The following MOSPD3 variants were observed in gnomAD, a reference collection of about 807,000 sequenced individuals.
MOSPD3 encodes motile sperm domain containing 3.
A neutral mutation model predicts 23.3 loss-of-function variants in MOSPD3; 20 were observed. The ratio of observed to expected loss-of-function variants is 0.86; its 90% CI spans 0.61 to 1.25. MOSPD3 has a LOEUF of 1.25. Among genes scored for constraint, MOSPD3 ranks in the 50% most tolerant of loss-of-function variants. The pLI is 0.00. For synonymous variants in MOSPD3, 136 were observed against 135.2 expected (o/e 1.01, Z -0.04); for missense variants, 307 against 315.7 (o/e 0.97, Z 0.21).
chr7:100,613,261 C>T lies in MOSPD3; in HGVS notation c.273C>T (p.Cys91=), dbSNP rs140279967. The change falls in exon 2 of 5, where the codon TGC becomes TGT. Residue 91 remains cysteine (C), a synonymous_variant. Transcript: ENST00000393950. ...DAEGYVKPQS[C]IDIVIRHVAP... The stretch of plus-strand genomic sequence containing the variant: ...AGGGATATGTGAAGCCCCAGTCTTG[C>T]ATTGACATGTGAGTGAGCTGGGAGG... 73 of 1,608,638 alleles carry T rather than the reference C, an allele frequency of 4.5e-5. No homozygotes were observed. In the Middle Eastern group the frequency reaches 5.0e-4, roughly 11 times the overall value.
rs760892319 is a variant in MOSPD3 at position 100,615,149 on chromosome 7, C to T, written c.677-3C>T. The T allele has an allele frequency of 7.4e-6, 12 of 1,614,038 alleles. No homozygotes were observed. Among genetic ancestry groups the T allele is most frequent in the Non-Finnish European group, 9.3e-6 (11 of 1,180,028 alleles). ...CCCTATTCTTTCTTTGTCCCCCCTC[C>T]AGGCCTCCTCACCATGGTGTTCCTC... On this transcript the variant is annotated splice_polypyrimidine_tract_variant and splice_region_variant and intron_variant, in intron 4 of 4. Transcript: ENST00000393950.
Position 100,615,038 on chromosome 7 carries a change from A to T in MOSPD3, c.676+7A>T, listed in dbSNP as rs769714547. ...GTGGCCGCCTACGTCTTGGGTGAGG[A>T]CAGTAGTGGCCAGGGACCCAGGCCC... On this transcript the variant is annotated splice_region_variant and intron_variant, in intron 4 of 4. Coordinates refer to ENST00000393950, the MANE Select transcript of MOSPD3 (RefSeq NM_023948.5). 5 of 1,614,190 alleles carry T rather than the reference A, an allele frequency of 3.1e-6. No individual in the cohort carries two copies. The Admixed American group carries it at 8.3e-5, about 27-fold the overall frequency.
rs756041220 is a variant in MOSPD3, at chr7:100,612,832, CG to C, written c.45del (p.Pro17LeufsTer25). 6.2e-7 allele frequency: 1 copy of C among 1,609,658 alleles called. No individual in the cohort carries two copies. The highest frequency in any genetic ancestry group is 8.5e-7 in the Non-Finnish European group (1 of 1,178,816). ...CCCCAGGACCAGGAGCTGGTGGGTC[CG>C]GGGCCCCCTGGGCGGGGGTCCCGGG... ...GAPQDQELVG[P>X]GPPGRGSRGA... On this transcript the variant is annotated frameshift_variant, in exon 1 of 5. Transcript: ENST00000393950. LOFTEE classifies it high-confidence loss of function.
rs775007260 is a variant in MOSPD3 at position 100,612,727 on chromosome 7, C to A, written c.-65C>A. On this transcript the variant is annotated 5_prime_UTR_variant, in exon 1 of 5. Transcript: ENST00000393950. ...GTCCCCTTTCGCCCCTCACGCCCCC[C>A]AGCTCTGACTCCAGGCCCTGTCCCC... is the stretch of plus-strand genomic sequence containing the variant. 1.5e-6 allele frequency: 2 copies of A among 1,330,098 alleles called. No homozygotes were observed. The highest frequency in any genetic ancestry group is 2.3e-5 in the Admixed American group (1 of 43,150). The allele number at this position is 1,330,098 out of a possible 1,614,324, so 82.4% of individuals were successfully genotyped here.
intron 3 of MOSPD3, 118 bp downstream of exon 3, chr7:100,613,824 G>A (rs1802911250): frequency 1.1e-6 from 1 of 896,428 alleles, no homozygotes; most frequent in Non-Finnish European, 1.7e-6. Context: ...TCTTTTGGTG[G>A]AAACATTCCT....
Position 100,614,898 on chromosome 7 carries a change from C to T in MOSPD3, c.543C>T (p.Phe181=), listed in dbSNP as rs1386924931. ...HPRQQLATSS[F]LLFLLTGIVS... ...GCCAGCAACTGGCCACCAGCTCCTT[C>T]CTCCTCTTCTTGCTGACGGGGATTG... Residue 181 remains phenylalanine (F), a synonymous_variant, in exon 4 of 5, where the codon TTC becomes TTT. Coordinates refer to ENST00000393950, the MANE Select transcript of MOSPD3 (RefSeq NM_023948.5). 4 of 1,614,092 alleles carry T rather than the reference C, an allele frequency of 2.5e-6. No individual in the cohort carries two copies. Among genetic ancestry groups the T allele is most frequent in the Non-Finnish European group, 3.4e-6 (4 of 1,180,040 alleles).
At position 100,613,611 on chromosome 7, in the gene MOSPD3, C is replaced by G. The variant is rs761404739; in HGVS notation, c.416C>G (p.Ala139Gly). Residue 139 changes from alanine (A) to glycine (G), a missense_variant, in exon 3 of 5, where the codon GCG (alanine) becomes GGG (glycine). By Grantham distance (60) the Ala-to-Gly change is moderately conservative. Coordinates refer to ENST00000393950, the MANE Select transcript of MOSPD3 (RefSeq NM_023948.5). ...ATTACCTCCATTCTGAGAGCCCCAG[C>G]GTACCCCCTTGAGCTTCAGGGACAG... ...KDITSILRAP[A>G]YPLELQGQPD... The G allele has an allele frequency of 1.2e-6, 2 of 1,614,150 alleles. No homozygotes were observed. The highest frequency in any genetic ancestry group is 3.3e-5 in the Admixed American group (2 of 60,016).
Position 100,612,735 on chromosome 7 carries a change from A to T in MOSPD3, c.-57A>T. ...TCGCCCCTCACGCCCCCCAGCTCTGACTCCAGGCCCTGTCCCCTGAGCTCT... is the reference window on the plus strand; with the variant it reads ...TCGCCCCTCACGCCCCCCAGCTCTGTCTCCAGGCCCTGTCCCCTGAGCTCT... On this transcript the variant is annotated 5_prime_UTR_variant, in exon 1 of 5. Coordinates refer to ENST00000393950, the MANE Select transcript of MOSPD3 (RefSeq NM_023948.5). 7.2e-7 allele frequency: 1 copy of T among 1,397,250 alleles called. No individual in the cohort carries two copies. Among genetic ancestry groups the T allele is most frequent in the South Asian group, 1.4e-5 (1 of 72,050 alleles). The allele number at this position is 1,397,250 out of a possible 1,614,324, so 86.6% of individuals were successfully genotyped here. A position where few individuals can be genotyped will look rare whatever the true frequency, so the allele number is the denominator to read the frequency against.
chr7:100,614,562 G>A lies in MOSPD3; in HGVS notation c.512-305G>A, dbSNP rs143440482. Among the ~76,000 whole-genome samples, 128 of 151,908 alleles carry A rather than the reference G, an allele frequency of 8.4e-4. 1 individual carries two copies. In the East Asian group the frequency reaches 0.022, roughly 26 times the overall value. On this transcript the variant is annotated intron_variant, in intron 3 of 4. Transcript: ENST00000393950. ...AGTGGTGGGAGGATTGCAATTGCTC[G>A]AGGCCAGGAGTTCAAGATCAGCTTG...
chr7:100,614,930 T>A lies in MOSPD3; in HGVS notation c.575T>A (p.Val192Glu). 6.2e-7 allele frequency: 1 copy of A among 1,614,126 alleles called. No homozygotes were observed. Among genetic ancestry groups the A allele is most frequent in the Non-Finnish European group, 8.5e-7 (1 of 1,179,982 alleles). ...TTCTTGCTGACGGGGATTGTGTCTG[T>A]GGCCTTCCTGCTGCTCCCACTCCCG... ...LLFLLTGIVS[V>E]AFLLLPLPDE... Residue 192 changes from valine (V) to glutamate (E), a missense_variant, in exon 4 of 5, where the codon GTG (valine) becomes GAG (glutamate). Physicochemically the swap from Val to Glu is moderately radical, Grantham distance 121. Transcript: ENST00000393950.
In MOSPD3 at chr7:100,615,036, G is replaced by A; in HGVS notation, c.676+5G>A. On this transcript the variant is annotated splice_donor_5th_base_variant and intron_variant, in intron 4 of 4. Transcript: ENST00000393950. Reference sequence around the variant, plus strand: ...TGGTGGCCGCCTACGTCTTGGGTGAGGACAGTAGTGGCCAGGGACCCAGGC... The same window carrying A: ...TGGTGGCCGCCTACGTCTTGGGTGAAGACAGTAGTGGCCAGGGACCCAGGC... The A allele has an allele frequency of 1.2e-6, 2 of 1,614,200 alleles. No homozygotes were observed. The highest frequency in any genetic ancestry group is 1.7e-6 in the Non-Finnish European group (2 of 1,180,026).
chr7:100,613,253 C>T lies in MOSPD3; in HGVS notation c.265C>T (p.Gln89Ter), dbSNP rs151232039. 1 of 1,613,870 alleles carries T rather than the reference C, an allele frequency of 6.2e-7. No individual in the cohort carries two copies. The highest frequency in any genetic ancestry group is 1.3e-5 in the African/African-American group (1 of 74,880). The part of the protein sequence containing the change: ...VFDAEGYVKP[Q>*]SCIDIVIRHV... The stretch of plus-strand genomic sequence containing the variant: ...TGACGCAGAGGGATATGTGAAGCCC[C>T]AGTCTTGCATTGACATGTGAGTGAG... The change falls in exon 2 of 5, where the codon CAG becomes TAG. Residue 89 changes from glutamine to a stop codon, truncating the protein, a stop_gained. Transcript: ENST00000393950. LOFTEE classifies it high-confidence loss of function.
rs1333722126 is a variant in MOSPD3 at position 100,614,912 on chromosome 7, T to C, written c.557T>C (p.Leu186Pro). The change falls in exon 4 of 5, where the codon CTG becomes CCG. Residue 186 changes from leucine to proline, a missense_variant. Coordinates refer to ENST00000393950, the MANE Select transcript of MOSPD3 (RefSeq NM_023948.5). Reference protein sequence around the residue: ...LATSSFLLFLLTGIVSVAFLL... With the variant: ...LATSSFLLFLPTGIVSVAFLL... ...ACCAGCTCCTTCCTCCTCTTCTTGC[T>C]GACGGGGATTGTGTCTGTGGCCTTC... The C allele has an allele frequency of 6.2e-7, 1 of 1,614,188 alleles. No individual in the cohort carries two copies. The highest frequency in any genetic ancestry group is 8.5e-7 in the Non-Finnish European group (1 of 1,180,016).
At chr7:100,615,055 C>T in intron 4 of MOSPD3, 24 bp downstream of exon 4, 1 of 1,614,202 alleles carries the variant, frequency 6.2e-7, no homozygotes. Flanking sequence ...TGGCCAGGGA[C>T]CCAGGCCCCA....
Position 100,615,302 on chromosome 7 carries a change from C to G in MOSPD3, c.*119C>G. On this transcript the variant is annotated 3_prime_UTR_variant, in exon 5 of 5. Coordinates refer to ENST00000393950, the MANE Select transcript of MOSPD3 (RefSeq NM_023948.5). ...TCTTCTCTTTCCTGCCTACTCCCCA[C>G]TCCTCCCTGACAAAAAACACCCAGG... 3 of 864,896 alleles carry G rather than the reference C, an allele frequency of 3.5e-6. No homozygotes were observed. The highest frequency in any genetic ancestry group is 5.3e-6 in the Non-Finnish European group (3 of 567,796). The allele number at this position is 864,896 out of a possible 1,614,324, so 53.6% of individuals were successfully genotyped here.
Position 100,615,146 on chromosome 7 carries a change from C to A in MOSPD3, c.677-6C>A, listed in dbSNP as rs368279371. 1.2e-6 allele frequency: 2 copies of A among 1,614,128 alleles called. No homozygotes were observed. The highest frequency in any genetic ancestry group is 3.3e-5 in the Admixed American group (2 of 60,006). On this transcript the variant is annotated splice_polypyrimidine_tract_variant and splice_region_variant and intron_variant, in intron 4 of 4. Coordinates refer to ENST00000393950, the MANE Select transcript of MOSPD3 (RefSeq NM_023948.5). Reference sequence around the variant, plus strand: ...CGACCCTATTCTTTCTTTGTCCCCCCTCCAGGCCTCCTCACCATGGTGTTC... The same window carrying A: ...CGACCCTATTCTTTCTTTGTCCCCCATCCAGGCCTCCTCACCATGGTGTTC...
Position 100,613,612 on chromosome 7 carries a change from G to A in MOSPD3, c.417G>A (p.Ala139=), listed in dbSNP as rs1408107303. 10 of 1,614,058 alleles carry A rather than the reference G, an allele frequency of 6.2e-6. No individual in the cohort carries two copies. Among genetic ancestry groups the A allele is most frequent in the East Asian group, 2.2e-5 (1 of 44,900 alleles). The part of the protein sequence containing the change: ...KDITSILRAP[A]YPLELQGQPD... ...TTACCTCCATTCTGAGAGCCCCAGC[G>A]TACCCCCTTGAGCTTCAGGGACAGC... The change falls in exon 3 of 5, where the codon GCG becomes GCA. Residue 139 remains alanine (A), a synonymous_variant. Transcript: ENST00000393950.
chr7:100,614,716 C>T, intron 3 of MOSPD3, 151 bp from the exon 4 acceptor site: 1 of 895,588 alleles, frequency 1.1e-6, no homozygotes, highest in Non-Finnish European at 1.6e-6. Context: ...CCAGACCAGC[C>T]TGGACAACGT....
intron 1 of MOSPD3, 41 bp from the exon 2 acceptor site, chr7:100,613,153 C>T (rs759232741): frequency 6.2e-7 from 1 of 1,605,254 alleles, no homozygotes; most frequent in South Asian, 1.1e-5. Flanking sequence ...CTTAAATGAC[C>T]CACATGGCAG....
Sources: gnomAD v4.1 joint callset for allele counts (sites outside exome capture counted in the v4.1 genomes callset) on GRCh38, gnomAD v4.1.1 for gene constraint, MANE v1.5 for transcripts, NCBI Gene and HGNC (gene_info 2026-07-23, HGNC 2026-07-21) for gene names.